POLA1: variants seen among roughly 807,000 people sequenced by gnomAD.
POLA1 encodes DNA polymerase alpha catalytic subunit.
Under a neutral mutation model 124.0 loss-of-function variants are expected in POLA1, and 15 were observed. The ratio of observed to expected loss-of-function variants is 0.12; its 90% CI spans 0.08 to 0.19. The LOEUF (loss-of-function observed/expected upper bound fraction) is 0.19. Among genes scored for constraint, POLA1 ranks in the 10% least tolerant of loss-of-function variants. The pLI is 1.00. For missense variants in POLA1, 886 were observed against 1,103.4 expected, an observed-to-expected ratio of 0.80 and a Z score of 2.79; for synonymous variants, 408 against 389.4, an observed-to-expected ratio of 1.05 and a Z score of -0.56.
chrX:24,788,081 T>TA (rs1228914088), intron 26 of POLA1, among the ~76,000 whole-genome samples: 1 of 112,353 alleles, frequency 8.9e-6, no homozygotes, highest in Non-Finnish European at 1.9e-5. Context: ...GTAAATGTGA[T>TA]ACACCACATT....
At chrX:24,864,105 G>A (rs1473281488) in intron 34 of POLA1, among the ~76,000 whole-genome samples, 2 of 109,352 alleles carry the variant, frequency 1.8e-5, no homozygotes, top group Non-Finnish European at 3.8e-5. Flanking sequence ...CCTCAGTCTC[G>A]CGAGCAGCTG....
chrX:24,950,287 C>G lies in POLA1; in HGVS notation c.4261+19738C>G, dbSNP rs905636354. The stretch of plus-strand genomic sequence containing the variant: ...TAGAAGTGTTCTGTATCTGTGCTGT[C>G]CAGTGCTGTAGCCTCTAGCCCCACA... On this transcript the variant is annotated intron_variant, in intron 36 of 36. Transcript: ENST00000379068. 9.8e-5 allele frequency among the ~76,000 whole-genome samples: 11 copies of G among 111,943 alleles called. No individual in the cohort carries two copies. The South Asian group carries it at 1.5e-3, about 15-fold the overall frequency.
intron 30 of POLA1, among the ~76,000 whole-genome samples, chrX:24,818,249 A>G (rs1169162957): frequency 9.0e-6 from 1 of 110,889 alleles, no homozygotes; most frequent in Non-Finnish European, 1.9e-5. Context: ...AAAGTCCCCA[A>G]ATAGCCTACA....
chrX:24,914,228 A>G (rs184376389), intron 35 of POLA1, among the ~76,000 whole-genome samples: 2 of 110,492 alleles, frequency 1.8e-5, no homozygotes, highest in Non-Finnish European at 3.8e-5. Flanking sequence ...CAGTTTTACT[A>G]TGCAATAATT....
chrX:24,948,949 GAAT>G (rs2047999858), intron 36 of POLA1, among the ~76,000 whole-genome samples: 2 of 111,810 alleles, frequency 1.8e-5, no homozygotes, highest in Non-Finnish European at 3.8e-5. Flanking sequence ...ATGCAAGAAG[GAAT>G]AATATCATTT....
At position 24,878,116 on chromosome X, in the gene POLA1, C is replaced by T. The variant is rs1006178922; in HGVS notation, c.4048-9890C>T. Among the ~76,000 whole-genome samples the T allele has an allele frequency of 2.7e-5, 3 of 110,520 alleles. No homozygotes were observed. The South Asian group carries it at 1.2e-3, about 43-fold the overall frequency. On this transcript the variant is annotated intron_variant, in intron 34 of 36. Coordinates refer to ENST00000379068, the MANE Select transcript of POLA1 (RefSeq NM_001330360.2). ...TTTACAGACTATTCAAACGGCCCTTCGAAACCATGAAAGATATTCAGTTTC... is the reference window on the plus strand; with the variant it reads ...TTTACAGACTATTCAAACGGCCCTTTGAAACCATGAAAGATATTCAGTTTC...
chrX:24,850,703 C>T (rs2046546579), intron 34 of POLA1, among the ~76,000 whole-genome samples: 1 of 111,474 alleles, frequency 9.0e-6, no homozygotes, highest in Non-Finnish European at 1.9e-5. Flanking sequence ...GAGCTTGGGC[C>T]GTAGTCTCTC....
intron 26 of POLA1, chrX:24,789,067 C>T: frequency 1.7e-6 from 2 of 1,208,844 alleles, no homozygotes; most frequent in Non-Finnish European, 2.2e-6. Flanking sequence ...CTCTGAAACC[C>T]ATGGTGTCGG....
intron 35 of POLA1, among the ~76,000 whole-genome samples, chrX:24,920,154 C>T (rs1419121188): frequency 9.0e-6 from 1 of 110,557 alleles, no homozygotes; most frequent in Non-Finnish European, 1.9e-5. Context: ...GCCACCCCCT[C>T]ACCCCCCACA....
rs187423416 is a variant in POLA1 at position 24,905,623 on chromosome X, C to T, written c.4164+17501C>T. On this transcript the variant is annotated intron_variant, in intron 35 of 36. Coordinates refer to ENST00000379068, the MANE Select transcript of POLA1 (RefSeq NM_001330360.2). Reference sequence around the variant, plus strand: ...TTTCACCCAGGCTGGGGTGAAGTGGCGCAATCTCCACTTACTGCAACCTCC... The same window carrying T: ...TTTCACCCAGGCTGGGGTGAAGTGGTGCAATCTCCACTTACTGCAACCTCC... Among the ~76,000 whole-genome samples the T allele has an allele frequency of 1.2e-3, 102 of 85,802 alleles. 1 individual carries two copies. Among genetic ancestry groups the T allele is most frequent in the Middle Eastern group, 0.015 (2 of 137 alleles). 74.5% of individuals were successfully genotyped at this position (85,802 alleles called of 115,157 possible).
chrX:24,954,545 G>C (rs1032181037), intron 36 of POLA1, among the ~76,000 whole-genome samples: 2 of 112,459 alleles, frequency 1.8e-5, no homozygotes, highest in African/African-American at 6.5e-5. Flanking sequence ...CTTTTTTAAT[G>C]CATGATTGTG....
At chrX:24,694,104 C>A in intron 1 of POLA1, 100 bp downstream of exon 1, 1 of 857,309 alleles carries the variant, frequency 1.2e-6, no homozygotes, top group Non-Finnish European at 1.6e-6. Flanking sequence ...TTTGTTTGGG[C>A]GCAGACCTTG....
chrX:24,871,634 C>G (rs1569345293), intron 34 of POLA1, among the ~76,000 whole-genome samples: 1 of 109,644 alleles, frequency 9.1e-6, no homozygotes, highest in Non-Finnish European at 1.9e-5. Flanking sequence ...AATTCTCACA[C>G]TTGAACAGAC....
At chrX:24,850,635 A>G (rs1205087688) in intron 34 of POLA1, among the ~76,000 whole-genome samples, 1 of 111,313 alleles carries the variant, frequency 9.0e-6, no homozygotes, top group African/African-American at 3.3e-5. Context: ...AGGTGCTGAA[A>G]CTGCAGAGAA....
intron 36 of POLA1, among the ~76,000 whole-genome samples, chrX:24,979,327 T>C (rs1378012929): frequency 8.9e-6 from 1 of 112,094 alleles, no homozygotes; most frequent in East Asian, 2.8e-4. Flanking sequence ...GTAACAATTA[T>C]AACCTATTTA....
intron 10 of POLA1, 65 bp downstream of exon 10, chrX:24,717,823 A>T: frequency 1.4e-6 from 1 of 737,834 alleles, no homozygotes; most frequent in Non-Finnish European, 1.9e-6. Context: ...TAAATATTTT[A>T]TTTTTTGTTT....
chrX:24,824,187 G>C (rs1402974541), intron 31 of POLA1, among the ~76,000 whole-genome samples: 1 of 111,991 alleles, frequency 8.9e-6, no homozygotes, highest in Non-Finnish European at 1.9e-5. Context: ...ACTTGAAGAA[G>C]ACCAGCGTTG....
At chrX:24,750,339 A>T (rs1042982405) in intron 26 of POLA1, among the ~76,000 whole-genome samples, 3 of 113,047 alleles carry the variant, frequency 2.7e-5, no homozygotes, top group Non-Finnish European at 5.6e-5. Flanking sequence ...TGTAGTCTCT[A>T]GCCACAAGTG....
At position 24,696,826 on chromosome X, in the gene POLA1, C is replaced by T. The variant is rs373230271; in HGVS notation, c.44-2599C>T. Reference sequence around the variant, plus strand: ...TAACCTGGTTCTCCTACTCACTCTACACTCCCTTGTCGAATTTACCTTGCA... The same window carrying T: ...TAACCTGGTTCTCCTACTCACTCTATACTCCCTTGTCGAATTTACCTTGCA... On this transcript the variant is annotated intron_variant, in intron 1 of 36. Coordinates refer to ENST00000379068, the MANE Select transcript of POLA1 (RefSeq NM_001330360.2). Among the ~76,000 whole-genome samples, 3 of 111,935 alleles carry T rather than the reference C, an allele frequency of 2.7e-5. No individual in the cohort carries two copies. In the East Asian group the frequency reaches 8.4e-4, roughly 31 times the overall value.
Sources: gnomAD v4.1 joint callset for allele counts (sites outside exome capture counted in the v4.1 genomes callset) on GRCh38, gnomAD v4.1.1 for gene constraint, MANE v1.5 for transcripts, NCBI Gene and HGNC (gene_info 2026-07-23, HGNC 2026-07-21) for gene names.